The following UNC80 variants were observed in gnomAD, a reference collection of about 807,000 sequenced individuals.
The protein encoded by UNC80 is protein unc-80 homolog.
UNC80 carries 164 observed loss-of-function variants against 384.6 expected under a neutral mutation model. That is an observed-to-expected ratio of 0.43 (90% CI 0.38 to 0.49). The LOEUF (loss-of-function observed/expected upper bound fraction) is 0.49. UNC80 is among the 20% of genes least tolerant of loss of function. The pLI is 0.00. For missense variants in UNC80, 3,330 were observed against 4,143.0 expected (o/e 0.80, Z 5.39); for synonymous variants, 1,486 against 1,527.8 (o/e 0.97, Z 0.64).
intron 22 of UNC80, among the ~76,000 whole-genome samples, chr2:209,853,284 T>A (rs2082660897): frequency 6.6e-6 from 1 of 152,136 alleles, no homozygotes; most frequent in South Asian, 2.1e-4. Context: ...TATATTAGAA[T>A]AGTTTCATTG....
chr2:209,813,163 A>C (rs1251136916), intron 7 of UNC80, among the ~76,000 whole-genome samples: 3 of 152,230 alleles, frequency 2.0e-5, no homozygotes, highest in Admixed American at 1.3e-4. Flanking sequence ...TAAAGGAAGC[A>C]TTTTAATCTG....
chr2:209,877,652 C>G (rs1254173491), intron 23 of UNC80, among the ~76,000 whole-genome samples: 2 of 152,110 alleles, frequency 1.3e-5, no homozygotes, highest in Non-Finnish European at 2.9e-5. Flanking sequence ...TGTATCATAT[C>G]TATAAAATAA....
chr2:209,775,307 T>C (rs1359808478), intron 2 of UNC80, among the ~76,000 whole-genome samples: 1 of 151,552 alleles, frequency 6.6e-6, no homozygotes, highest in East Asian at 1.9e-4. Context: ...TCTCCCTTCC[T>C]TTCTTTCTTT....
chr2:209,867,270 A>G (rs535568574), intron 22 of UNC80, among the ~76,000 whole-genome samples: 29 of 152,336 alleles, frequency 1.9e-4, no homozygotes, highest in African/African-American at 6.5e-4. Context: ...TATTTTATCC[A>G]TCTTCCTAAG....
At chr2:209,949,301 A>G (rs371959089) in intron 47 of UNC80, among the ~76,000 whole-genome samples, 2 of 152,184 alleles carry the variant, frequency 1.3e-5, no homozygotes, top group East Asian at 3.9e-4. Context: ...AACAAAAAGG[A>G]TGTCTTGCTT....
chr2:209,921,603 C>T lies in UNC80; in HGVS notation c.5447C>T (p.Ala1816Val). 6.4e-7 allele frequency: 1 copy of T among 1,551,678 alleles called. No individual in the cohort carries two copies. The highest frequency in any genetic ancestry group is 8.7e-7 in the Non-Finnish European group (1 of 1,146,984). The change falls in exon 34 of 65, where the codon GCC becomes GTC. Residue 1816 changes from alanine (A) to valine (V), a missense_variant. Ala to Val is a moderately conservative substitution (Grantham distance 64, BLOSUM62 0). This residue lies in a region of UNC80 where 1,049 missense variants were observed against 1,488.6 expected (regional missense o/e 0.70). Coordinates refer to ENST00000673920, the MANE Select transcript of UNC80 (RefSeq NM_001371986.1). Reference sequence around the variant, plus strand: ...GAAAAGAAACGACTTGGTAGAGAAGCCAGCCTCATCACTGCCATCCCCATC... The same window carrying T: ...GAAAAGAAACGACTTGGTAGAGAAGTCAGCCTCATCACTGCCATCCCCATC... ...EEEKKRLGREASLITAIPITQ... is the reference protein window; with the variant it reads ...EEEKKRLGREVSLITAIPITQ...
chr2:209,944,449 TG>T (rs1559372180), intron 45 of UNC80, among the ~76,000 whole-genome samples: 4 of 152,166 alleles, frequency 2.6e-5, no homozygotes, highest in African/African-American at 9.7e-5. Context: ...TGTCTTTGCT[TG>T]TTTGTTTGGT....
intron 47 of UNC80, among the ~76,000 whole-genome samples, chr2:209,950,776 T>C (rs1020937832): frequency 1.3e-5 from 2 of 152,158 alleles, no homozygotes; most frequent in African/African-American, 4.8e-5. Context: ...CAGGTTGGTC[T>C]TGAACTCCTG....
intron 20 of UNC80, among the ~76,000 whole-genome samples, chr2:209,841,441 C>T (rs56137033): frequency 0.013 from 1,979 of 152,112 alleles, 31 homozygotes; most frequent in Non-Finnish European, 0.021. Context: ...CTGCAACCTC[C>T]GCCTTCTGGG....
At chr2:209,982,352 G>T in intron 60 of UNC80, 35 bp downstream of exon 60, 1 of 1,492,672 alleles carries the variant, frequency 6.7e-7, no homozygotes, top group Non-Finnish European at 9.0e-7. Flanking sequence ...CTCTGCATTT[G>T]GGGGCAAAGT....
chr2:209,923,346 T>C (rs1244034998), intron 35 of UNC80, among the ~76,000 whole-genome samples: 1 of 152,162 alleles, frequency 6.6e-6, no homozygotes, highest in Non-Finnish European at 1.5e-5. Flanking sequence ...CTATGTTTTC[T>C]TCTAAGAGTT....
chr2:209,829,555 C>T (rs944047185), intron 15 of UNC80, among the ~76,000 whole-genome samples, 176 bp downstream of exon 15: 3 of 152,150 alleles, frequency 2.0e-5, no homozygotes, highest in East Asian at 1.9e-4. Context: ...CACATTATCT[C>T]TGATGACACA....
chr2:209,940,142 T>C (rs141636345), intron 43 of UNC80, among the ~76,000 whole-genome samples: 147 of 152,204 alleles, frequency 9.7e-4, no homozygotes, highest in African/African-American at 3.3e-3. Context: ...GTTGTTAGGG[T>C]ATGAGAATAC....
intron 20 of UNC80, among the ~76,000 whole-genome samples, chr2:209,841,702 A>G (rs1699992614): frequency 6.6e-6 from 1 of 152,164 alleles, no homozygotes. Flanking sequence ...TTGAAATTAC[A>G]CAAATAATAT....
chr2:209,777,513 T>C lies in UNC80; in HGVS notation c.554T>C (p.Val185Ala), dbSNP rs1434165998. 1.2e-6 allele frequency: 2 copies of C among 1,613,868 alleles called. No individual in the cohort carries two copies. The highest frequency in any genetic ancestry group is 1.7e-6 in the Non-Finnish European group (2 of 1,179,918). ...ATCTTCCAGAACTCCATGGCTACTGTGGAGCTCTTCGTGTTTCTGTTTGCT... is the reference window on the plus strand; with the variant it reads ...ATCTTCCAGAACTCCATGGCTACTGCGGAGCTCTTCGTGTTTCTGTTTGCT... ...RKIFQNSMAT[V>A]ELFVFLFAPL... is the part of the protein sequence containing the mutation. Residue 185 changes from valine (V) to alanine (A), a missense_variant, in exon 4 of 65, where the codon GTG becomes GCG. Around this residue, in one of 8 missense-constraint regions of UNC80, gnomAD observed 937 missense variants for 1,026.8 expected, o/e 0.91. Coordinates refer to ENST00000673920, the MANE Select transcript of UNC80 (RefSeq NM_001371986.1).
intron 35 of UNC80, among the ~76,000 whole-genome samples, 192 bp from the exon 36 acceptor site, chr2:209,926,651 A>T (rs149070909): frequency 6.6e-6 from 1 of 152,086 alleles, no homozygotes; most frequent in Non-Finnish European, 1.5e-5. Context: ...TGGCACACCT[A>T]TGTGGTCCCA....
chr2:209,844,381 C>T (rs1192214620), intron 21 of UNC80, among the ~76,000 whole-genome samples: 1 of 151,490 alleles, frequency 6.6e-6, no homozygotes, highest in East Asian at 1.9e-4. Flanking sequence ...TCCTTCCTTC[C>T]TTCCTTCTCT....
chr2:209,817,122 T>G lies in UNC80; in HGVS notation c.1549T>G (p.Leu517Val). 1.3e-6 allele frequency: 2 copies of G among 1,551,408 alleles called. No individual in the cohort carries two copies. The highest frequency in any genetic ancestry group is 1.7e-6 in the Non-Finnish European group (2 of 1,146,990). The change falls in exon 10 of 65, where the codon TTA becomes GTA. Residue 517 changes from leucine (L) to valine (V), a missense_variant. This residue lies in a region of UNC80 where 937 missense variants were observed against 1,026.8 expected (regional missense o/e 0.91). Transcript: ENST00000673920. ...IEKGGWQTTI[L>V]GKLTRRGSSD... Reference sequence around the variant, plus strand: ...GAAAGGAGGCTGGCAAACCACCATTTTAGGTGACCACAAGGCCTTCCAAAA... The same window carrying G: ...GAAAGGAGGCTGGCAAACCACCATTGTAGGTGACCACAAGGCCTTCCAAAA...
At chr2:209,789,358 T>G (rs932788322) in intron 5 of UNC80, among the ~76,000 whole-genome samples, 174 bp from the exon 6 acceptor site, 1 of 152,182 alleles carries the variant, frequency 6.6e-6, no homozygotes, top group African/African-American at 2.4e-5. Flanking sequence ...ACCAAAAAAA[T>G]GCTAAGATTT....
Sources: gnomAD v4.1 joint callset for allele counts (sites outside exome capture counted in the v4.1 genomes callset) on GRCh38, gnomAD v4.1.1 for gene constraint, gnomAD v4.1.1 regional missense constraint, MANE v1.5 for transcripts, NCBI Gene and HGNC (gene_info 2026-07-23, HGNC 2026-07-21) for gene names.